BZW1: variants seen among roughly 807,000 people sequenced by gnomAD.
BZW1 encodes the protein eIF5-mimic protein 2.
Under a neutral mutation model 54.1 loss-of-function variants are expected in BZW1, and 3 were observed. The ratio of observed to expected loss-of-function variants is 0.06; its 90% CI spans 0.03 to 0.14. BZW1 has a LOEUF of 0.14. Ranked by LOEUF, BZW1 falls within the 10% of genes least tolerant of loss-of-function variation. The pLI is 1.00. For synonymous variants in BZW1, 152 were observed against 162.7 expected, an observed-to-expected ratio of 0.93 and a Z score of 0.50; for missense variants, 206 against 491.7, an observed-to-expected ratio of 0.42 and a Z score of 5.50.
At position 200,824,938 on chromosome 2, in the gene BZW1, C is replaced by G. The variant is rs887441766; in HGVS notation, c.*2760C>G. ...CCACCCGCCTCAGCCTCCCAAAGTG[C>G]TGGGATTATGGGCTTGAGCCACCGC... On this transcript the variant is annotated 3_prime_UTR_variant, in exon 12 of 12. Coordinates refer to ENST00000409600, the MANE Select transcript of BZW1 (RefSeq NM_001207067.2). The G allele has an allele frequency of 6.6e-6, 1 of 152,274 alleles. No individual in the cohort carries two copies. The highest frequency in any genetic ancestry group is 2.4e-5 in the African/African-American group (1 of 41,442). 9.4% of individuals were successfully genotyped at this position (152,274 alleles called of 1,614,324 possible). A position where few individuals can be genotyped will look rare whatever the true frequency, so the allele number is the denominator to read the frequency against.
chr2:200,818,522 C>A, intron 8 of BZW1, 129 bp downstream of exon 8: 1 of 1,204,506 alleles, frequency 8.3e-7, no homozygotes, highest in Non-Finnish European at 1.2e-6. Context: ...TGGAACTTTG[C>A]CTCATTCTTT....
rs1371116376 is a variant in BZW1, at chr2:200,819,608, T to A, written c.967-374T>A. Among the ~76,000 whole-genome samples, 54 of 150,930 alleles carry A rather than the reference T, an allele frequency of 3.6e-4. 1 individual carries two copies. The highest frequency in any genetic ancestry group is 1.0e-3 in the African/African-American group (42 of 41,384). On this transcript the variant is annotated intron_variant, in intron 9 of 11. Coordinates refer to ENST00000409600, the MANE Select transcript of BZW1 (RefSeq NM_001207067.2). ...GACAGTCTCACTCTGTCACCCAGGC[T>A]GGAGTGCAGTGATGTGATCTCAGCT...
intron 2 of BZW1, among the ~76,000 whole-genome samples, chr2:200,813,633 C>T (rs189761387): frequency 1.1e-3 from 172 of 152,226 alleles, no homozygotes; most frequent in Non-Finnish European, 1.7e-3. Flanking sequence ...AAGGAGAACT[C>T]CTAATGTAGT....
At chr2:200,813,034 A>G (rs2038148138) in intron 1 of BZW1, 174 bp from the exon 2 acceptor site, 1 of 695,920 alleles carries the variant, frequency 1.4e-6, no homozygotes, top group Admixed American at 2.0e-5. Context: ...TTTGACGTAC[A>G]TTTGATTCAA....
intron 2 of BZW1, 126 bp from the exon 3 acceptor site, chr2:200,815,215 G>A (rs2038239464): frequency 1.0e-6 from 1 of 1,003,898 alleles, no homozygotes; most frequent in East Asian, 2.7e-5. Context: ...CTTGCAGAGG[G>A]GAAACATGCA....
rs545783406 is a variant in BZW1 at position 200,813,069 on chromosome 2, A to G, written c.-10-139A>G. On this transcript the variant is annotated intron_variant, in intron 1 of 11. Transcript: ENST00000409600. ...AGTGCAGGTAATTCTTTGTGCCTGT[A>G]TCGGGTATAATTGCCAGCTTTATAT... The G allele has an allele frequency of 7.0e-6, 5 of 716,178 alleles. No individual in the cohort carries two copies. In the South Asian group the frequency reaches 7.7e-5, roughly 11 times the overall value. The allele number at this position is 716,178 out of a possible 1,614,324, so 44.4% of individuals were successfully genotyped here.
rs1316248469 is a variant in BZW1, at chr2:200,825,467, C to T, written c.*3289C>T. ...AGTGATAGACCTTTGCATTGGCAGG[C>T]ATGTCTTTATGTTTATACAGTGAAG... On this transcript the variant is annotated 3_prime_UTR_variant, in exon 12 of 12. Coordinates refer to ENST00000409600, the MANE Select transcript of BZW1 (RefSeq NM_001207067.2). The T allele has an allele frequency of 2.6e-5, 4 of 152,060 alleles. No individual in the cohort carries two copies. Among genetic ancestry groups the T allele is most frequent in the Non-Finnish European group, 4.4e-5 (3 of 68,040 alleles). 9.4% of individuals were successfully genotyped at this position (152,060 alleles called of 1,614,324 possible).
intron 6 of BZW1, 129 bp from the exon 7 acceptor site, chr2:200,817,845 T>G (rs970477639): frequency 3.2e-6 from 2 of 634,754 alleles, no homozygotes; most frequent in Non-Finnish European, 2.6e-6. Flanking sequence ...CCCAGGAAAG[T>G]TCAGGGTTAA....
Position 200,826,390 on chromosome 2 carries a change from T to TAGATAGATAGACAGAC in BZW1, c.*4223_*4224insCAGACAGATAGATAGA, listed in dbSNP as rs2038691093. 1 of 113,590 alleles carries TAGATAGATAGACAGAC rather than the reference T, an allele frequency of 8.8e-6. No individual in the cohort carries two copies. Among genetic ancestry groups the TAGATAGATAGACAGAC allele is most frequent in the South Asian group, 2.9e-4 (1 of 3,508 alleles). The allele number at this position is 113,590 out of a possible 1,614,324, so 7.0% of individuals were successfully genotyped here. On this transcript the variant is annotated 3_prime_UTR_variant, in exon 12 of 12. Transcript: ENST00000409600. ...ATGAAGATATAGATAGATAGATAGATAGATAGATAGATAGATATTTTTTTT... is the reference window on the plus strand; with the variant it reads ...ATGAAGATATAGATAGATAGATAGATAGATAGATAGACAGACAGATAGATAGATAGATATTTTTTTT...
At position 200,826,393 on chromosome 2, in the gene BZW1, ATAGATAGATAGATATT is replaced by A. The variant is rs1559318290; in HGVS notation, c.*4217_*4232del. 3.5e-5 allele frequency: 4 copies of A among 113,132 alleles called. No homozygotes were observed. The highest frequency in any genetic ancestry group is 1.4e-4 in the African/African-American group (4 of 27,846). 7.0% of individuals were successfully genotyped at this position (113,132 alleles called of 1,614,324 possible). ...AAGATATAGATAGATAGATAGATAG[ATAGATAGATAGATATT>A]TTTTTTTTTTTTTTTTTTTTTTTTT... On this transcript the variant is annotated 3_prime_UTR_variant, in exon 12 of 12. Transcript: ENST00000409600.
chr2:200,820,322 T>C (rs2038463233), intron 10 of BZW1: 1 of 418,156 alleles, frequency 2.4e-6, no homozygotes, highest in Admixed American at 4.3e-5. Flanking sequence ...AGTTGAAGTA[T>C]GAAATCTAAA....
intron 11 of BZW1, among the ~76,000 whole-genome samples, 153 bp from the exon 12 acceptor site, chr2:200,821,994 G>A (rs1262467424): frequency 2.0e-5 from 3 of 152,116 alleles, no homozygotes; most frequent in Middle Eastern, 3.2e-3. Context: ...ACTTGAACCC[G>A]GGAGGCAGAG....
chr2:200,814,609 T>G (rs1016094147), intron 2 of BZW1, among the ~76,000 whole-genome samples: 12 of 152,206 alleles, frequency 7.9e-5, no homozygotes, highest in Admixed American at 4.6e-4. Context: ...ACAACAACTT[T>G]ATGGGATAGG....
At chr2:200,818,529 C>A (rs1052159658) in intron 8 of BZW1, 136 bp downstream of exon 8, 3 of 1,149,566 alleles carry the variant, frequency 2.6e-6, no homozygotes, top group African/African-American at 1.6e-5. Context: ...TTGCCTCATT[C>A]TTTTGCATAT....
rs77567659 is a variant in BZW1, at chr2:200,814,404, G to A, written c.65-937G>A. On this transcript the variant is annotated intron_variant, in intron 2 of 11. Coordinates refer to ENST00000409600, the MANE Select transcript of BZW1 (RefSeq NM_001207067.2). ...GGAGTTTCCAGACACAAGACTTTCAGTGCTAAAACCAGGAAAGTGCTGGGC... is the reference window on the plus strand; with the variant it reads ...GGAGTTTCCAGACACAAGACTTTCAATGCTAAAACCAGGAAAGTGCTGGGC... 2.6e-4 allele frequency among the ~76,000 whole-genome samples: 40 copies of A among 152,242 alleles called. No homozygotes were observed. The East Asian group carries it at 7.7e-3, about 29-fold the overall frequency.
chr2:200,818,593 C>G (rs1223701007), intron 8 of BZW1, among the ~76,000 whole-genome samples, 162 bp from the exon 9 acceptor site: 1 of 152,180 alleles, frequency 6.6e-6, no homozygotes, highest in African/African-American at 2.4e-5. Context: ...GAGCTCAGGG[C>G]ACCTTTCAGT....
intron 2 of BZW1, 88 bp from the exon 3 acceptor site, chr2:200,815,253 T>C: frequency 7.6e-7 from 1 of 1,312,080 alleles, no homozygotes; most frequent in Non-Finnish European, 1.0e-6. Flanking sequence ...CTAACTTATT[T>C]AACAATTGCA....
chr2:200,818,986 T>C, intron 9 of BZW1, 85 bp downstream of exon 9: 1 of 1,437,368 alleles, frequency 7.0e-7, no homozygotes, highest in South Asian at 1.5e-5. Flanking sequence ...TCTAAGAGGA[T>C]TTATCACATC....
At chr2:200,821,430 A>G in intron 11 of BZW1, 125 bp downstream of exon 11, 6 of 1,194,946 alleles carry the variant, frequency 5.0e-6, no homozygotes, top group Non-Finnish European at 6.9e-6. Context: ...TTTTGTTATA[A>G]GGCAGGTGGC....
Sources: allele counts gnomAD v4.1 joint callset (sites outside exome capture counted in the v4.1 genomes callset), GRCh38; gene constraint gnomAD v4.1.1; transcripts MANE v1.5; gene names NCBI Gene and HGNC (gene_info 2026-07-23, HGNC 2026-07-21).